The following SNTG2 variants were observed in gnomAD, a reference collection of about 807,000 sequenced individuals.
SNTG2 encodes gamma-2-syntrophin.
Under a neutral mutation model 70.9 loss-of-function variants are expected in SNTG2, and 74 were observed. The ratio of observed to expected loss-of-function variants is 1.04; its 90% CI spans 0.86 to 1.27. The LOEUF (loss-of-function observed/expected upper bound fraction) is 1.27, where lower values mean the gene tolerates loss of function less well. Among genes scored for constraint, SNTG2 ranks in the 50% most tolerant of loss-of-function variants. The probability of loss-of-function intolerance (pLI) is 0.00; values close to 1 mark genes in which losing one functional copy is unlikely to be tolerated. For missense variants in SNTG2, 717 were observed against 690.7 expected (o/e 1.04, Z -0.43); for synonymous variants, 278 against 273.8 (o/e 1.02, Z -0.15).
At chr2:1,122,057 G>GA (rs1195166080) in intron 4 of SNTG2, among the ~76,000 whole-genome samples, 5 of 152,102 alleles carry the variant, frequency 3.3e-5, no homozygotes, top group East Asian at 1.9e-4. Context: ...TTTGAGTCAG[G>GA]AAAAAATAGA....
rs540836924 is a variant in SNTG2 at position 1,173,948 on chromosome 2, C to A, written c.591+765C>A. On this transcript the variant is annotated intron_variant, in intron 8 of 16. Transcript: ENST00000308624. ...AAAAAATGTTTTATTATAAATCATT[C>A]CAGTCAAATCATCAAAATGACTGGA... Among the ~76,000 whole-genome samples, 169 of 152,338 alleles carry A rather than the reference C, an allele frequency of 1.1e-3. 3 individuals carry two copies. In the South Asian group the frequency reaches 0.023, roughly 21 times the overall value.
At position 1,128,447 on chromosome 2, in the gene SNTG2, TC is replaced by T. The variant is rs10707641; in HGVS notation, c.326-9174del. ...TACCTTTGTGTTATTATGGAAGTTT[TC>T]TTCTTTCAACAGGCTTTGCAACATA... is the stretch of plus-strand genomic sequence containing the variant. On this transcript the variant is annotated intron_variant, in intron 4 of 16. Coordinates refer to ENST00000308624, the MANE Select transcript of SNTG2 (RefSeq NM_018968.4). Among the ~76,000 whole-genome samples the T allele has an allele frequency of 8.7e-3, 1,326 of 152,328 alleles. 13 individuals are homozygous for T. Among genetic ancestry groups the T allele is most frequent in the Non-Finnish European group, 0.011 (780 of 68,034 alleles).
Position 1,205,668 on chromosome 2 carries a change from T to TTA in SNTG2, c.592-3435_592-3434insTA, listed in dbSNP as rs1558528454. ...CTGATGGCCTTCATCTCCAGGCAGC[T>TTA]CATGTGAACATCGCTGCCAGTACAG... On this transcript the variant is annotated intron_variant, in intron 8 of 16. Coordinates refer to ENST00000308624, the MANE Select transcript of SNTG2 (RefSeq NM_018968.4). Among the ~76,000 whole-genome samples, 21 of 152,318 alleles carry TTA rather than the reference T, an allele frequency of 1.4e-4. No homozygotes were observed. The East Asian group carries it at 3.9e-3, about 28-fold the overall frequency.
intron 2 of SNTG2, 129 bp from the exon 3 acceptor site, chr2:1,098,066 AT>A: frequency 1.0e-6 from 1 of 996,300 alleles, no homozygotes; most frequent in East Asian, 2.4e-5. Context: ...TTACTGTCAT[AT>A]TTAGCCAAAG....
chr2:1,192,923 C>T (rs938866041), intron 8 of SNTG2, among the ~76,000 whole-genome samples: 2 of 152,328 alleles, frequency 1.3e-5, no homozygotes, highest in Non-Finnish European at 2.9e-5. Flanking sequence ...GCCCTGTCCT[C>T]TGTGAGTAGT....
At chr2:1,263,102 C>A (rs1460400308) in intron 13 of SNTG2, among the ~76,000 whole-genome samples, 1 of 152,182 alleles carries the variant, frequency 6.6e-6, no homozygotes, top group Non-Finnish European at 1.5e-5. Context: ...AGCAGTCTCA[C>A]TCCTCAGAAT....
intron 13 of SNTG2, 117 bp downstream of exon 13, chr2:1,259,558 A>T (rs1198820618): frequency 2.4e-5 from 20 of 845,312 alleles, no homozygotes; most frequent in Admixed American, 9.1e-5. Flanking sequence ...TTGAAATAGT[A>T]AAATAATGTG....
At chr2:1,304,730 A>G (rs201740969) in intron 14 of SNTG2, among the ~76,000 whole-genome samples, 1 of 14,724 alleles carries the variant, frequency 6.8e-5, no homozygotes, top group African/African-American at 3.5e-4. Flanking sequence ...CTCTCTCTCA[A>G]AAAAAAAAAA....
chr2:1,140,514 G>A lies in SNTG2; in HGVS notation c.411+2705G>A, dbSNP rs28628453. ...GCAGCAGGAGCTGCCGGTTCCTCTC[G>A]TACCTGTACCTGGTCTGTGATGGGA... On this transcript the variant is annotated intron_variant, in intron 6 of 16. Transcript: ENST00000308624. Among the ~76,000 whole-genome samples, 17 of 152,322 alleles carry A rather than the reference G, an allele frequency of 1.1e-4. No individual in the cohort carries two copies. In the South Asian group the frequency reaches 2.9e-3, roughly 26 times the overall value.
chr2:1,295,478 T>C (rs1680162291), intron 14 of SNTG2, among the ~76,000 whole-genome samples: 1 of 152,238 alleles, frequency 6.6e-6, no homozygotes, highest in African/African-American at 2.4e-5. Context: ...GCATCTATTA[T>C]AATAATACAG....
At chr2:1,333,157 A>G (rs180706195) in intron 16 of SNTG2, among the ~76,000 whole-genome samples, 6 of 152,300 alleles carry the variant, frequency 3.9e-5, no homozygotes, top group African/African-American at 1.4e-4. Context: ...ATACACCAAT[A>G]ATGACCAAGC....
intron 1 of SNTG2, among the ~76,000 whole-genome samples, chr2:1,028,940 C>T (rs919483664): frequency 2.9e-4 from 44 of 152,126 alleles, no homozygotes; most frequent in Admixed American, 2.4e-3. Flanking sequence ...ATGTGCTGTC[C>T]CATGTTCATC....
intron 16 of SNTG2, among the ~76,000 whole-genome samples, chr2:1,358,032 G>A (rs991808370): frequency 6.6e-6 from 1 of 151,948 alleles, no homozygotes; most frequent in Admixed American, 6.6e-5. Context: ...TCCTGAGGAT[G>A]GATTTCTTTC....
Position 1,239,738 on chromosome 2 carries a change from A to G in SNTG2, c.850A>G (p.Met284Val). Residue 284 changes from methionine to valine, a missense_variant and splice_region_variant, in exon 11 of 17, where the codon ATG becomes GTG. Transcript: ENST00000308624. ...ANIRELTLQN[M>V]KMANKCCSPS... ...TGACTCTTCTGCCTTCTCTCCACAG[A>G]TGAAGATGGCGAACAAATGCTGCTC... 6.2e-7 allele frequency: 1 copy of G among 1,613,384 alleles called. No homozygotes were observed. Among genetic ancestry groups the G allele is most frequent in the East Asian group, 2.2e-5 (1 of 44,888 alleles).
intron 1 of SNTG2, among the ~76,000 whole-genome samples, chr2:1,001,085 C>T (rs925512648): frequency 6.6e-6 from 1 of 151,896 alleles, no homozygotes; most frequent in African/African-American, 2.4e-5. Context: ...CATAATAAAA[C>T]CCTGAACAAG....
chr2:1,023,536 A>G (rs1381045540), intron 1 of SNTG2, among the ~76,000 whole-genome samples: 1 of 151,738 alleles, frequency 6.6e-6, no homozygotes, highest in Non-Finnish European at 1.5e-5. Flanking sequence ...TTATACTTAA[A>G]TGGGTAATAG....
chr2:1,213,483 A>G (rs2148003945), intron 9 of SNTG2, among the ~76,000 whole-genome samples: 3 of 152,374 alleles, frequency 2.0e-5, no homozygotes, highest in Middle Eastern at 6.8e-3. Flanking sequence ...TGAGCTTTGC[A>G]TACATTTAAG....
intron 4 of SNTG2, among the ~76,000 whole-genome samples, chr2:1,122,671 T>C (rs28846744): frequency 0.48 from 71,781 of 149,946 alleles, 18,254 homozygotes; most frequent in East Asian, 0.67. Context: ...TGCCCAGTCT[T>C]GCCGATTTTA....
At chr2:1,042,807 C>T (rs1407266900) in intron 1 of SNTG2, among the ~76,000 whole-genome samples, 3 of 152,050 alleles carry the variant, frequency 2.0e-5, no homozygotes, top group Non-Finnish European at 2.9e-5. Flanking sequence ...TCTTTGCCAT[C>T]GTGAATAGTG....
Sources: gnomAD v4.1 joint callset for allele counts (sites outside exome capture counted in the v4.1 genomes callset) on GRCh38, gnomAD v4.1.1 for gene constraint, MANE v1.5 for transcripts, NCBI Gene and HGNC (gene_info 2026-07-23, HGNC 2026-07-21) for gene names.